SYT12: variants seen among roughly 807,000 people sequenced by gnomAD.
SYT12 encodes the protein synaptotagmin-12.
SYT12 carries 27 observed loss-of-function variants against 39.5 expected under a neutral mutation model. The ratio of observed to expected loss-of-function variants is 0.68; its 90% CI spans 0.50 to 0.94. SYT12 has a LOEUF of 0.94. Among genes scored for constraint, SYT12 ranks in the 40% least tolerant of loss-of-function variants. SYT12 has a pLI of 0.00. For synonymous variants in SYT12, 233 were observed against 239.7 expected (o/e 0.97, Z 0.26); for missense variants, 536 against 572.6 (o/e 0.94, Z 0.65).
chr11:67,007,234 G>A (rs1314936970), exon 1 of SYT12: 1 of 152,286 alleles, frequency 6.6e-6, no homozygotes, highest in African/African-American at 2.4e-5. Context: ...TGGCCCAGAG[G>A]GGCTGGTACG....
chr11:67,030,656 C>T (rs1376787253), intron 2 of SYT12: 1 of 153,794 alleles, frequency 6.5e-6, no homozygotes, highest in Non-Finnish European at 1.4e-5. Context: ...GCTTTCCAGC[C>T]TGGGCAACAG....
chr11:67,043,772 G>A lies in SYT12; in HGVS notation c.756G>A (p.Gly252=). 6.2e-7 allele frequency: 1 copy of A among 1,614,158 alleles called. No homozygotes were observed. The highest frequency in any genetic ancestry group is 8.5e-7 in the Non-Finnish European group (1 of 1,180,044). Residue 252 remains glycine, a synonymous_variant, in exon 5 of 8, where the codon GGG becomes GGA. Transcript: ENST00000527043. ...AGGATGAGCGCAACGTCAGCACGGG[G>A]GTGGTGGAGCTGAAGCTTTCTGTGC... is the stretch of plus-strand genomic sequence containing the variant. ...IDEDERNVST[G]VVELKLSVLD...
chr11:67,019,657 G>C (rs1377212377), upstream of SYT12, among the ~76,000 whole-genome samples: 1 of 152,114 alleles, frequency 6.6e-6, no homozygotes, highest in Non-Finnish European at 1.5e-5. Flanking sequence ...AACACTTTGG[G>C]AGGCCGAGGA....
At chr11:67,030,077 C>T in intron 1 of SYT12, 45 bp from the exon 2 acceptor site, 1 of 1,596,678 alleles carries the variant, frequency 6.3e-7, no homozygotes, top group Non-Finnish European at 8.6e-7. Flanking sequence ...GAGCGGGACG[C>T]TGACTCTCTG....
upstream of SYT12, among the ~76,000 whole-genome samples, chr11:67,021,136 A>T (rs1028623821): frequency 4.3e-4 from 65 of 152,192 alleles, no homozygotes; most frequent in African/African-American, 1.6e-3. Context: ...CATAATGGGC[A>T]TTTGTGGTCT....
intron 2 of SYT12, among the ~76,000 whole-genome samples, chr11:67,033,824 A>T (rs1443034177): frequency 6.6e-6 from 1 of 152,144 alleles, no homozygotes; most frequent in African/African-American, 2.4e-5. Flanking sequence ...AAACCTTGGA[A>T]CGTGTATGGT....
chr11:67,047,110 A>C (rs1590658594), intron 7 of SYT12, among the ~76,000 whole-genome samples: 1 of 151,310 alleles, frequency 6.6e-6, no homozygotes, highest in Admixed American at 6.6e-5. Context: ...GATTACAGGC[A>C]CCTGCCACCA....
At chr11:67,009,015 TTTG>T (rs1226130093) in intron 1 of SYT12, among the ~76,000 whole-genome samples, 3 of 152,022 alleles carry the variant, frequency 2.0e-5, no homozygotes, top group South Asian at 2.1e-4. Context: ...TCTTGGGGCT[TTTG>T]TTGTTGTTTT....
chr11:67,044,675 C>T lies in SYT12; in HGVS notation c.920C>T (p.Ala307Val). 6.2e-7 allele frequency: 1 copy of T among 1,613,770 alleles called. No individual in the cohort carries two copies. Among genetic ancestry groups the T allele is most frequent in the African/African-American group, 1.3e-5 (1 of 75,050 alleles). ...AERLTVVVVKAKNLIWTNDKT... is the reference protein window; with the variant it reads ...AERLTVVVVKVKNLIWTNDKT... ...CGCCTCACCGTGGTCGTGGTTAAGG[C>T]CAAGAACCTCATCTGGACCAACGAC... is the stretch of plus-strand genomic sequence containing the variant. Residue 307 changes from alanine to valine, a missense_variant, in exon 6 of 8, where the codon GCC (alanine) becomes GTC (valine). Transcript: ENST00000527043.
intron 3 of SYT12, among the ~76,000 whole-genome samples, chr11:67,036,103 A>G (rs1317371561): frequency 6.6e-6 from 1 of 151,116 alleles, no homozygotes; most frequent in Admixed American, 6.6e-5. Context: ...TTTTTTGTAG[A>G]GACGGGGTTT....
Position 67,044,765 on chromosome 11 carries a change from G to A in SYT12, c.958+52G>A, listed in dbSNP as rs372869952. 9.5e-5 allele frequency: 153 copies of A among 1,607,264 alleles called. No individual in the cohort carries two copies. In the African/African-American group the frequency reaches 1.9e-3, roughly 20 times the overall value. On this transcript the variant is annotated intron_variant, in intron 6 of 7. Coordinates refer to ENST00000527043, the MANE Select transcript of SYT12 (RefSeq NM_177963.4). The stretch of plus-strand genomic sequence containing the variant: ...CTCCACGTAGCTCAGTGGAAGCTGT[G>A]GCCCAGCTGCTGTGCTGTGGGCACC...
In SYT12 at chr11:67,043,535, GAGCCAGGACTCT is replaced by G. The variant is rs376624873; in HGVS notation, c.622-98_622-87del. On this transcript the variant is annotated intron_variant, in intron 4 of 7. Coordinates refer to ENST00000527043, the MANE Select transcript of SYT12 (RefSeq NM_177963.4). Reference sequence around the variant, plus strand: ...TGGCATTGAGGGTGTCAAGACAACAGAGCCAGGACTCTAGCCTGGGCCTCTGGACTCCCTGTC... The same window carrying G: ...TGGCATTGAGGGTGTCAAGACAACAGAGCCTGGGCCTCTGGACTCCCTGTC... 1.6e-3 allele frequency: 1,697 copies of G among 1,085,246 alleles called. 12 individuals are homozygous for G. In the African/African-American group the frequency reaches 0.023, roughly 15 times the overall value. 67.2% of individuals were successfully genotyped at this position (1,085,246 alleles called of 1,614,324 possible).
rs780801340 is a variant in SYT12 at position 67,040,135 on chromosome 11, G to A, written c.553G>A (p.Ala185Thr). 9 of 1,610,848 alleles carry A rather than the reference G, an allele frequency of 5.6e-6. No homozygotes were observed. The South Asian group carries it at 9.9e-5, about 18-fold the overall frequency. Residue 185 changes from alanine to threonine, a missense_variant, in exon 4 of 8, where the codon GCC (alanine) becomes ACC (threonine). Transcript: ENST00000527043. The part of the protein sequence containing the change: ...QGKDLLEREE[A>T]SFESCFMRVS... ...CAAGGACCTCCTGGAGCGGGAGGAGGCCAGCTTCGAGTCCTGCTTCATGCG... is the reference window on the plus strand; with the variant it reads ...CAAGGACCTCCTGGAGCGGGAGGAGACCAGCTTCGAGTCCTGCTTCATGCG...
chr11:67,007,842 G>A (rs12288309), intron 1 of SYT12, among the ~76,000 whole-genome samples: 5,412 of 152,132 alleles, frequency 0.036, 318 homozygotes, highest in African/African-American at 0.12. Flanking sequence ...GGGATTACAG[G>A]TGTGAGCCAC....
In SYT12 at chr11:67,043,760, C is replaced by T. The variant is rs753449491; in HGVS notation, c.744C>T (p.Asn248=). 9.3e-6 allele frequency: 15 copies of T among 1,614,040 alleles called. No individual in the cohort carries two copies. In the East Asian group the frequency reaches 1.3e-4, roughly 14 times the overall value. ...TTGGCATCGATGAGGATGAGCGCAACGTCAGCACGGGGGTGGTGGAGCTGA... is the reference window on the plus strand; with the variant it reads ...TTGGCATCGATGAGGATGAGCGCAATGTCAGCACGGGGGTGGTGGAGCTGA... ...SVFGIDEDER[N]VSTGVVELKL... Residue 248 remains asparagine, a synonymous_variant, in exon 5 of 8, where the codon AAC becomes AAT. Transcript: ENST00000527043.
chr11:67,047,166 C>A (rs1007432122), intron 7 of SYT12, among the ~76,000 whole-genome samples: 6 of 151,722 alleles, frequency 4.0e-5, no homozygotes, highest in African/African-American at 1.5e-4. Context: ...GGTTTCACCA[C>A]GCTGGCCAGG....
chr11:67,033,843 G>C (rs187246935), intron 2 of SYT12, among the ~76,000 whole-genome samples: 1 of 152,198 alleles, frequency 6.6e-6, no homozygotes, highest in Non-Finnish European at 1.5e-5. Context: ...GTCCTGCTGC[G>C]TGCCAAGCGC....
At chr11:67,038,496 T>C (rs923873763) in intron 3 of SYT12, among the ~76,000 whole-genome samples, 22 of 152,030 alleles carry the variant, frequency 1.4e-4, no homozygotes, top group Admixed American at 1.4e-3. Context: ...TGGGTGAGTG[T>C]CACCCAACAT....
At chr11:67,043,907 TC>T (rs1327903594) in intron 5 of SYT12, 54 bp downstream of exon 5, 2 of 1,522,550 alleles carry the variant, frequency 1.3e-6, no homozygotes, top group Non-Finnish European at 1.8e-6. Context: ...CACATACACT[TC>T]CAGGAAGGGA....
Sources: gnomAD v4.1 joint callset for allele counts (sites outside exome capture counted in the v4.1 genomes callset) on GRCh38, gnomAD v4.1.1 for gene constraint, MANE v1.5 for transcripts, NCBI Gene and HGNC (gene_info 2026-07-23, HGNC 2026-07-21) for gene names.